ARAP2: variants seen among roughly 807,000 people sequenced by gnomAD.
ARAP2 encodes ArfGAP with RhoGAP domain, ankyrin repeat and PH domain 2.
Under a neutral mutation model 194.5 loss-of-function variants are expected in ARAP2, and 148 were observed. That is an observed-to-expected ratio of 0.76 (90% confidence interval 0.67 to 0.87). The LOEUF (loss-of-function observed/expected upper bound fraction) is 0.87. Among genes scored for constraint, ARAP2 ranks in the 40% least tolerant of loss-of-function variants. The pLI, the probability that ARAP2 is intolerant of heterozygous loss-of-function variation, is 0.00. For missense variants in ARAP2, 2,128 were observed against 1,989.7 expected (o/e 1.07, Z -1.32); for synonymous variants, 695 against 683.5 (o/e 1.02, Z -0.26).
intron 6 of ARAP2, among the ~76,000 whole-genome samples, chr4:36,018,177 A>G (rs1225462133): frequency 6.6e-6 from 1 of 152,122 alleles, no homozygotes; most frequent in Non-Finnish European, 1.5e-5. Context: ...GGCCTTCACC[A>G]CTTATTTGTC....
At chr4:36,195,467 T>G (rs1312898270) in intron 6 of ARAP2, among the ~76,000 whole-genome samples, 4 of 152,244 alleles carry the variant, frequency 2.6e-5, no homozygotes, top group Non-Finnish European at 2.9e-5. Context: ...TCTTCCACAC[T>G]TAAAGGCAGA....
chr4:36,220,380 C>A (rs1403212330), intron 2 of ARAP2, among the ~76,000 whole-genome samples: 1 of 152,144 alleles, frequency 6.6e-6, no homozygotes, highest in Non-Finnish European at 1.5e-5. Flanking sequence ...CACAGTACAA[C>A]ACGTTATTCA....
chr4:36,158,658 T>G, intron 15 of ARAP2, 72 bp downstream of exon 15: 1 of 1,338,604 alleles, frequency 7.5e-7, no homozygotes, highest in Non-Finnish European at 1.0e-6. Context: ...AAAATCAAAA[T>G]CTAAACCTAA....
At chr4:36,039,577 GCTCATATTTTTAAGCTGGC>G (rs1160904669) in intron 5 of ARAP2, among the ~76,000 whole-genome samples, 1 of 152,084 alleles carries the variant, frequency 6.6e-6, no homozygotes, top group Non-Finnish European at 1.5e-5. Flanking sequence ...TGAAAATCCT[GCTCATATTTTTAAGCTGGC>G]CTCATACTCA....
chr4:36,152,746 GC>G (rs1163360664), intron 15 of ARAP2, among the ~76,000 whole-genome samples: 1 of 151,826 alleles, frequency 6.6e-6, no homozygotes, highest in Non-Finnish European at 1.5e-5. Flanking sequence ...TTCTAAAGTA[GC>G]AAAAAATGCA....
chr4:36,069,937 C>G (rs75083564), intron 32 of ARAP2, among the ~76,000 whole-genome samples: 2 of 152,012 alleles, frequency 1.3e-5, no homozygotes, highest in East Asian at 3.9e-4. Context: ...ACCTTTCCCC[C>G]CTCTCTCTCT....
At chr4:36,091,740 T>C in intron 28 of ARAP2, 141 bp downstream of exon 28, 3 of 933,060 alleles carry the variant, frequency 3.2e-6, no homozygotes, top group East Asian at 2.7e-5. Flanking sequence ...TCTTATACCA[T>C]AGGCTGAAGC....
At chr4:36,167,945 CA>C (rs1363934679) in intron 9 of ARAP2, among the ~76,000 whole-genome samples, 2 of 151,114 alleles carry the variant, frequency 1.3e-5, no homozygotes, top group African/African-American at 4.9e-5. Context: ...TGAATAAATT[CA>C]GACTAAATGT....
At chr4:36,222,120 C>T (rs746530846) in intron 2 of ARAP2, among the ~76,000 whole-genome samples, 3 of 152,102 alleles carry the variant, frequency 2.0e-5, no homozygotes, top group Non-Finnish European at 4.4e-5. Context: ...CTCTCCTGTT[C>T]TTACACTTGT....
intron 15 of ARAP2, among the ~76,000 whole-genome samples, chr4:36,157,129 C>T (rs534794297): frequency 6.6e-6 from 1 of 152,130 alleles, no homozygotes; most frequent in Non-Finnish European, 1.5e-5. Context: ...ATGCTTACAA[C>T]ATATTGAAAA....
At chr4:36,178,492 G>T (rs1000255283) in intron 8 of ARAP2, among the ~76,000 whole-genome samples, 1 of 152,170 alleles carries the variant, frequency 6.6e-6, no homozygotes, top group African/African-American at 2.4e-5. Flanking sequence ...TCTAGAGTAT[G>T]CCTGCTTCAG....
At chr4:36,187,287 C>A (rs1220102249) in intron 8 of ARAP2, among the ~76,000 whole-genome samples, 164 bp downstream of exon 8, 1 of 152,080 alleles carries the variant, frequency 6.6e-6, no homozygotes, top group African/African-American at 2.4e-5. Flanking sequence ...AACTTGTCAA[C>A]TTATTTATGT....
At chr4:36,178,029 TA>T (rs766154989) in intron 8 of ARAP2, 24 bp from the exon 9 acceptor site, 18 of 1,564,764 alleles carry the variant, frequency 1.2e-5, no homozygotes, top group Non-Finnish European at 1.5e-5. Context: ...CAGGAGAAAA[TA>T]CATAAATCCA....
intron 5 of ARAP2, among the ~76,000 whole-genome samples, chr4:36,033,772 T>C (rs1047870852): frequency 6.6e-6 from 1 of 152,148 alleles, no homozygotes. Context: ...AGGACTCTTA[T>C]AGTTTGGGGT....
rs1733223258 is a variant in ARAP2 at position 36,158,850 on chromosome 4, CATGTT to C, written c.2627_2631del (p.Gln876ArgfsTer20). On this transcript the variant is annotated frameshift_variant, in exon 15 of 33. Coordinates refer to ENST00000303965, the MANE Select transcript of ARAP2 (RefSeq NM_015230.4). LOFTEE classifies it high-confidence loss of function. ...CTTAATACACCCTCGGAATGAATATCATGTTGAGGGAAATCTAGAAAAATTAAAGA... is the reference window on the plus strand; with the variant it reads ...CTTAATACACCCTCGGAATGAATATCGAGGGAAATCTAGAAAAATTAAAGA... 6.3e-7 allele frequency: 1 copy of C among 1,589,346 alleles called. No homozygotes were observed. The highest frequency in any genetic ancestry group is 8.5e-7 in the Non-Finnish European group (1 of 1,173,294).
chr4:36,026,482 T>G (rs1265564084), intron 5 of ARAP2, among the ~76,000 whole-genome samples: 1 of 152,154 alleles, frequency 6.6e-6, no homozygotes, highest in African/African-American at 2.4e-5. Context: ...ACATTGTTGA[T>G]TGGATGTCAT....
chr4:36,187,607 A>G lies in ARAP2; in HGVS notation c.1558-36T>C, dbSNP rs758105419. 4.6e-6 allele frequency: 7 copies of G among 1,507,244 alleles called. No individual in the cohort carries two copies. The Admixed American group carries it at 1.5e-4, about 32-fold the overall frequency. 93.4% of individuals were successfully genotyped at this position (1,507,244 alleles called of 1,614,324 possible). A position where few individuals can be genotyped will look rare whatever the true frequency, so the allele number is the denominator to read the frequency against. On this transcript the variant is annotated intron_variant, in intron 7 of 32. Coordinates refer to ENST00000303965, the MANE Select transcript of ARAP2 (RefSeq NM_015230.4). ...TAGAAAAAAAGAGAAGACATATGAA[A>G]ACGAAATTCTCTTGATCTTATCAAA...
chr4:36,214,508 T>C (rs762040558), intron 2 of ARAP2, 28 bp from the exon 3 acceptor site: 3 of 1,485,724 alleles, frequency 2.0e-6, no homozygotes, highest in Admixed American at 1.8e-5. Flanking sequence ...AAAATACTTA[T>C]GAGTGAAAAT....
intron 26 of ARAP2, among the ~76,000 whole-genome samples, chr4:36,108,530 A>C (rs1281119308): frequency 6.6e-6 from 1 of 152,034 alleles, no homozygotes; most frequent in Non-Finnish European, 1.5e-5. Context: ...TGATGTGTCA[A>C]TATTATAGAC....
Sources: gnomAD v4.1 joint callset for allele counts (sites outside exome capture counted in the v4.1 genomes callset) on GRCh38, gnomAD v4.1.1 for gene constraint, MANE v1.5 for transcripts, NCBI Gene and HGNC (gene_info 2026-07-23, HGNC 2026-07-21) for gene names.